CDKL5: variants seen among roughly 807,000 people sequenced by gnomAD.
CDKL5 encodes cyclin-dependent kinase-like 5.
A neutral mutation model predicts 61.7 loss-of-function variants in CDKL5; 8 were observed. That is an observed-to-expected ratio of 0.13 (90% CI 0.08 to 0.23). The LOEUF (loss-of-function observed/expected upper bound fraction) is 0.23, where lower values mean the gene tolerates loss of function less well. CDKL5 is among the 10% of genes least tolerant of loss of function. The probability of loss-of-function intolerance (pLI) is 1.00; values close to 1 mark genes in which losing one functional copy is unlikely to be tolerated. For missense variants in CDKL5, 440 were observed against 734.5 expected (o/e 0.60, Z 4.63); for synonymous variants, 275 against 272.3 (o/e 1.01, Z -0.10).
chrX:18,542,932 G>C (rs1000047274), intron 3 of CDKL5, among the ~76,000 whole-genome samples: 2 of 110,995 alleles, frequency 1.8e-5, no homozygotes, highest in Admixed American at 9.6e-5. Flanking sequence ...ATTTGCACCT[G>C]CCTTATTGCC....
chrX:18,633,501 A>G lies in CDKL5; in HGVS notation c.*4744A>G. The G allele has an allele frequency of 4.0e-6, 3 of 754,532 alleles. No homozygotes were observed. The highest frequency in any genetic ancestry group is 4.7e-6 in the Non-Finnish European group (3 of 639,318). The allele number at this position is 754,532 out of a possible 1,213,427, so 62.2% of individuals were successfully genotyped here. ...AGAAACCAAACTTGTAAGCAGTTACAATTTCTTCCTTTTGCTTCTTGACCA... is the reference window on the plus strand; with the variant it reads ...AGAAACCAAACTTGTAAGCAGTTACGATTTCTTCCTTTTGCTTCTTGACCA... On this transcript the variant is annotated 3_prime_UTR_variant, in exon 18 of 18. Coordinates refer to ENST00000623535, the MANE Select transcript of CDKL5 (RefSeq NM_001323289.2).
chrX:18,548,560 C>T (rs1052963517), intron 3 of CDKL5, among the ~76,000 whole-genome samples: 2 of 112,403 alleles, frequency 1.8e-5, no homozygotes, highest in East Asian at 2.8e-4. Context: ...TATGGCAAAA[C>T]GCTGTGACTT....
At chrX:18,509,199 A>ACACG (rs1555940206) in intron 2 of CDKL5, among the ~76,000 whole-genome samples, 4 of 44,927 alleles carry the variant, frequency 8.9e-5, no homozygotes, top group Non-Finnish European at 1.3e-4. Context: ...CAAAACACGC[A>ACACG]CACACACACA....
chrX:18,434,445 T>C lies in CDKL5; in HGVS notation c.-163+8750T>C, dbSNP rs185438340. Among the ~76,000 whole-genome samples, 8 of 111,658 alleles carry C rather than the reference T, an allele frequency of 7.2e-5. No individual in the cohort carries two copies. The East Asian group carries it at 2.2e-3, about 31-fold the overall frequency. On this transcript the variant is annotated intron_variant, in intron 1 of 17. Transcript: ENST00000623535. Reference sequence around the variant, plus strand: ...CTGGTCTGATATTAATATTTTACTGTCAGTTCAATCGTAACTGGTTTGAAA... The same window carrying C: ...CTGGTCTGATATTAATATTTTACTGCCAGTTCAATCGTAACTGGTTTGAAA...
At chrX:18,459,770 T>TCTCAG (rs1932235851) in intron 1 of CDKL5, among the ~76,000 whole-genome samples, 1 of 92,351 alleles carries the variant, frequency 1.1e-5, no homozygotes, top group Non-Finnish European at 2.1e-5. Flanking sequence ...AGTGGTGTGA[T>TCTCAG]CTCAGCTCAC....
At chrX:18,653,623 C>CCT in exon 22 of CDKL5, 1 of 1,110,698 alleles carries the variant, frequency 9.0e-7, no homozygotes, top group African/African-American at 1.8e-5. Context: ...AATGAATCAA[C>CCT]CATTAACGCT....
chrX:18,554,921 A>C (rs1401580093), intron 3 of CDKL5, among the ~76,000 whole-genome samples: 1 of 111,051 alleles, frequency 9.0e-6, no homozygotes, highest in African/African-American at 3.3e-5. Flanking sequence ...TGATCTCTTC[A>C]ACAAGTGATC....
Position 18,604,812 on chromosome X carries a change from A to C in CDKL5, c.1888A>C (p.Ser630Arg), listed in dbSNP as rs1926305758. The change falls in exon 12 of 18, where the codon AGC becomes CGC. Residue 630 changes from serine to arginine, a missense_variant. Ser to Arg is a moderately radical substitution (Grantham distance 110). This residue lies in a region of CDKL5 where 363 missense variants were observed against 516.3 expected (regional missense o/e 0.70). Coordinates refer to ENST00000623535, the MANE Select transcript of CDKL5 (RefSeq NM_001323289.2). ...AGCCAAGGGCTTGGATGGAAGCTTG[A>C]GCATAGGGCAAGGGATGGCAGCTAG... ...VRAKGLDGSL[S>R]IGQGMAARAN... is the part of the protein sequence containing the mutation. The C allele has an allele frequency of 6.6e-6, 8 of 1,209,541 alleles. No homozygotes were observed. Among genetic ancestry groups the C allele is most frequent in the Non-Finnish European group, 8.9e-6 (8 of 894,980 alleles).
Position 18,648,175 on chromosome X carries a change from A to G in CDKL5, c.2797+2085A>G, listed in dbSNP as rs942258145. 3.6e-5 allele frequency among the ~76,000 whole-genome samples: 4 copies of G among 110,881 alleles called. 1 individual carries two copies. The highest frequency in any genetic ancestry group is 1.3e-4 in the African/African-American group (4 of 30,516). On this transcript the variant is annotated intron_variant, in intron 20 of 21. Transcript: ENST00000379989. ...CGAGGTGGTGCCTGCAGTGGCAGGC[A>G]CAGTGTCGAGTTACCTGGTCAGAGG...
downstream of CDKL5, among the ~76,000 whole-genome samples, chrX:18,643,160 A>G (rs1363873566): frequency 9.0e-6 from 1 of 111,630 alleles, no homozygotes; most frequent in Non-Finnish European, 1.9e-5. Context: ...ACATAAAAAC[A>G]TGCTGTGGGT....
At chrX:18,450,541 G>T (rs1386273663) in intron 1 of CDKL5, among the ~76,000 whole-genome samples, 5 of 111,503 alleles carry the variant, frequency 4.5e-5, no homozygotes, top group African/African-American at 9.8e-5. Context: ...CCTGTCCAGG[G>T]ATAAATATTA....
chrX:18,645,808 T>C (rs1427902181), intron 19 of CDKL5, among the ~76,000 whole-genome samples: 1 of 110,971 alleles, frequency 9.0e-6, no homozygotes, highest in East Asian at 2.8e-4. Flanking sequence ...CATTTGGTAA[T>C]AGAACCCCTG....
chrX:18,532,316 T>G (rs1923676315), intron 3 of CDKL5, among the ~76,000 whole-genome samples: 1 of 111,232 alleles, frequency 9.0e-6, no homozygotes, highest in Non-Finnish European at 1.9e-5. Flanking sequence ...GCTACTAACT[T>G]TACCCTAAAG....
chrX:18,467,864 C>A (rs1325234487), intron 1 of CDKL5, among the ~76,000 whole-genome samples: 1 of 111,522 alleles, frequency 9.0e-6, no homozygotes, highest in East Asian at 2.8e-4. Context: ...AGAATTATCC[C>A]CCACCTTTTT....
At chrX:18,434,954 A>G (rs967630300) in intron 1 of CDKL5, among the ~76,000 whole-genome samples, 10 of 111,861 alleles carry the variant, frequency 8.9e-5, no homozygotes, top group African/African-American at 2.9e-4. Flanking sequence ...ATTTTGTATT[A>G]TGTTTAAAGA....
downstream of CDKL5, chrX:18,644,646 C>T: frequency 1.7e-6 from 2 of 1,198,136 alleles, no homozygotes; most frequent in Non-Finnish European, 2.3e-6. Context: ...CATACCGAGT[C>T]ACCGAGAGAC....
intron 1 of CDKL5, among the ~76,000 whole-genome samples, chrX:18,462,849 C>T (rs963551820): frequency 1.8e-5 from 2 of 110,369 alleles, no homozygotes; most frequent in Non-Finnish European, 1.9e-5. Context: ...CATGATGAAA[C>T]CCCGTCTCTA....
At position 18,473,937 on chromosome X, in the gene CDKL5, C is replaced by T. The variant is rs1338195486; in HGVS notation, c.-162-32998C>T. Among the ~76,000 whole-genome samples the T allele has an allele frequency of 2.8e-5, 3 of 106,939 alleles. No individual in the cohort carries two copies. In the East Asian group the frequency reaches 8.8e-4, roughly 32 times the overall value. 92.9% of individuals were successfully genotyped at this position (106,939 alleles called of 115,157 possible). ...TTGAGACGGAGTTTTGCTCTTGTCA[C>T]AGCTCACTGCAACCTCTGCCTCCTG... On this transcript the variant is annotated intron_variant, in intron 1 of 17. Coordinates refer to ENST00000623535, the MANE Select transcript of CDKL5 (RefSeq NM_001323289.2).
Position 18,632,593 on chromosome X carries a change from G to A in CDKL5, c.*3836G>A. 2.6e-6 allele frequency: 2 copies of A among 754,738 alleles called. No homozygotes were observed. The highest frequency in any genetic ancestry group is 3.1e-6 in the Non-Finnish European group (2 of 639,415). 62.2% of individuals were successfully genotyped at this position (754,738 alleles called of 1,213,427 possible). A position where few individuals can be genotyped will look rare whatever the true frequency, so the allele number is the denominator to read the frequency against. ...TGGTTGTGATGTGGCTGTTATAGAA[G>A]TATTTGTGCTGTATGCTTTGGTTAA... On this transcript the variant is annotated 3_prime_UTR_variant, in exon 18 of 18. Coordinates refer to ENST00000623535, the MANE Select transcript of CDKL5 (RefSeq NM_001323289.2).
Sources: allele counts gnomAD v4.1 joint callset (sites outside exome capture counted in the v4.1 genomes callset), GRCh38; gene constraint gnomAD v4.1.1; regional missense constraint gnomAD v4.1.1; transcripts MANE v1.5; gene names NCBI Gene and HGNC (gene_info 2026-07-23, HGNC 2026-07-21).